ADNP: variants seen among roughly 807,000 people sequenced by gnomAD.
ADNP encodes activity dependent neuroprotector homeobox.
ADNP carries 4 observed loss-of-function variants against 84.9 expected under a neutral mutation model. The ratio of observed to expected loss-of-function variants is 0.05; its 90% CI spans 0.02 to 0.11. The LOEUF is 0.11. ADNP is among the 10% of genes least tolerant of loss of function. The pLI is 1.00. For synonymous variants in ADNP, 554 were observed against 468.1 expected (o/e 1.18, Z -2.37); for missense variants, 1,132 against 1,326.0 (o/e 0.85, Z 2.27).
At position 50,891,312 on chromosome 20, in the gene ADNP, C is replaced by T; in HGVS notation, c.*93G>A. On this transcript the variant is annotated 3_prime_UTR_variant, in exon 6 of 6. Transcript: ENST00000621696. ...TGCCCCACAGTCCAACCAGTACTCA[C>T]AAGGCAGTACCAGTGAGAAGACAGC... The T allele has an allele frequency of 1.4e-6, 2 of 1,453,034 alleles. No individual in the cohort carries two copies. The highest frequency in any genetic ancestry group is 1.8e-6 in the Non-Finnish European group (2 of 1,109,718). 90.0% of individuals were successfully genotyped at this position (1,453,034 alleles called of 1,614,324 possible). A position where few individuals can be genotyped will look rare whatever the true frequency, so the allele number is the denominator to read the frequency against.
intron 2 of ADNP, among the ~76,000 whole-genome samples, chr20:50,912,729 T>C (rs1983160169): frequency 6.6e-6 from 1 of 152,112 alleles, no homozygotes; most frequent in Admixed American, 6.5e-5. Context: ...TTACTGAAAA[T>C]CTTCACCAAT....
In ADNP at chr20:50,892,806, A is replaced by C. The variant is rs1980934978; in HGVS notation, c.1908T>G (p.Ser636=). The C allele has an allele frequency of 6.2e-7, 1 of 1,614,130 alleles. No homozygotes were observed. Among genetic ancestry groups the C allele is most frequent in the Non-Finnish European group, 8.5e-7 (1 of 1,180,050 alleles). ...CTCGTAAGTGATGTGCAAGTGCATC[A>C]GATATGGGTCCTTTTAGGATTGAAA... ...LCFSILKGPI[S]DALAHHLRER... The change falls in exon 6 of 6, where the codon TCT becomes TCG. Residue 636 remains serine (S), a synonymous_variant. Coordinates refer to ENST00000621696, the MANE Select transcript of ADNP (RefSeq NM_001282531.3).
chr20:50,893,535 G>C lies in ADNP; in HGVS notation c.1179C>G (p.Ser393=), dbSNP rs772432043. 1 of 1,613,858 alleles carries C rather than the reference G, an allele frequency of 6.2e-7. No homozygotes were observed. The highest frequency in any genetic ancestry group is 1.3e-5 in the African/African-American group (1 of 75,000). Residue 393 remains serine, a synonymous_variant, in exon 6 of 6, where the codon TCC becomes TCG. Transcript: ENST00000621696. The surrounding 1 kb of genome is among the most constrained non-coding windows in gnomAD (Gnocchi z 4.4). The part of the protein sequence containing the change: ...EQRSQAPARY[S]LQSANASSLS... ...GAGAAGAGGCATTAGCAGACTGCAG[G>C]GAGTATCTTGCTGGTGCCTGGGACC... is the stretch of plus-strand genomic sequence containing the variant.
chr20:50,891,098 TCA>T lies in ADNP; in HGVS notation c.*305_*306del, dbSNP rs1275192482. 3.6e-5 allele frequency: 41 copies of T among 1,154,494 alleles called. No individual in the cohort carries two copies. In the East Asian group the frequency reaches 9.4e-4, roughly 27 times the overall value. 71.5% of individuals were successfully genotyped at this position (1,154,494 alleles called of 1,614,324 possible). A position where few individuals can be genotyped will look rare whatever the true frequency, so the allele number is the denominator to read the frequency against. On this transcript the variant is annotated 3_prime_UTR_variant, in exon 6 of 6. Coordinates refer to ENST00000621696, the MANE Select transcript of ADNP (RefSeq NM_001282531.3). ...TCTCAAAGACATCTGACCAATCATT[TCA>T]CAGAGGGAAAGAAATGTTGAAAAGG...
Position 50,891,562 on chromosome 20 carries a change from G to T in ADNP, c.3152C>A (p.Ser1051Tyr). 1 of 1,612,518 alleles carries T rather than the reference G, an allele frequency of 6.2e-7. No homozygotes were observed. The highest frequency in any genetic ancestry group is 8.5e-7 in the Non-Finnish European group (1 of 1,180,044). Residue 1051 changes from serine to tyrosine, a missense_variant, in exon 6 of 6, where the codon TCT becomes TAT. Transcript: ENST00000621696. ...SKDQSQWKNA[S>Y]ENDERLSNPQ... ...GTTAGATAAGCGCTCATCATTCTCA[G>T]ATGCATTCTTCCACTGTGACTGGTC...
intron 2 of ADNP, 84 bp downstream of exon 2, chr20:50,928,567 T>C (rs892427388): frequency 6.6e-6 from 1 of 152,174 alleles, no homozygotes; most frequent in African/African-American, 2.4e-5. Flanking sequence ...TTTGGAAGTG[T>C]TGGTTTTGGT....
rs759856024 is a variant in ADNP, at chr20:50,893,133, C to A, written c.1581G>T (p.Met527Ile). The A allele has an allele frequency of 1.2e-6, 2 of 1,614,234 alleles. No homozygotes were observed. Among genetic ancestry groups the A allele is most frequent in the Non-Finnish European group, 1.7e-6 (2 of 1,180,048 alleles). The change falls in exon 6 of 6, where the codon ATG becomes ATT. Residue 527 changes from methionine (M) to isoleucine (I), a missense_variant. Met to Ile is a conservative substitution (Grantham distance 10, BLOSUM62 1). Around this residue, in one of 10 missense-constraint regions of ADNP, gnomAD observed 87 missense variants for 181.4 expected, o/e 0.48. Transcript: ENST00000621696. The surrounding 1 kb of genome is among the most constrained non-coding windows in gnomAD (Gnocchi z 4.4). ...CRSTFNDVEK[M>I]AAHMRMVHID... The stretch of plus-strand genomic sequence containing the variant: ...TGTGAACCATCCGCATGTGTGCGGC[C>A]ATCTTTTCCACATCATTGAAAGTTG...
At chr20:50,912,421 A>G (rs1447005569) in intron 2 of ADNP, among the ~76,000 whole-genome samples, 1 of 152,160 alleles carries the variant, frequency 6.6e-6, no homozygotes, top group East Asian at 1.9e-4. Flanking sequence ...AAGTGCTGGG[A>G]TTACAGGTGT....
chr20:50,908,997 T>G (rs1982766678), intron 2 of ADNP, among the ~76,000 whole-genome samples: 1 of 151,702 alleles, frequency 6.6e-6, no homozygotes, highest in Non-Finnish European at 1.5e-5. Context: ...ATGCCAAAAA[T>G]TGTCCCAGAG....
intron 2 of ADNP, among the ~76,000 whole-genome samples, chr20:50,921,091 A>T (rs1332455660): frequency 6.6e-6 from 1 of 152,222 alleles, no homozygotes; most frequent in East Asian, 1.9e-4. Context: ...AGAAGGATTA[A>T]ATGAGATGAT....
In ADNP at chr20:50,892,215, T is replaced by A; in HGVS notation, c.2499A>T (p.Lys833Asn). Residue 833 changes from lysine (K) to asparagine (N), a missense_variant, in exon 6 of 6, where the codon AAA becomes AAT. By Grantham distance (94) the Lys-to-Asn change is moderately conservative. Around this residue, in one of 10 missense-constraint regions of ADNP, gnomAD observed 381 missense variants for 319.9 expected, o/e 1.19. Coordinates refer to ENST00000621696, the MANE Select transcript of ADNP (RefSeq NM_001282531.3). ...CATCAAAATCCATCTCATGCTTGAC[T>A]TTATTTAATTCTTTCATGTTAAACC... Reference protein sequence around the residue: ...LLGFNMKELNKVKHEMDFDAE... With the variant: ...LLGFNMKELNNVKHEMDFDAE... 6.2e-7 allele frequency: 1 copy of A among 1,614,192 alleles called. No homozygotes were observed. The highest frequency in any genetic ancestry group is 8.5e-7 in the Non-Finnish European group (1 of 1,180,052).
Position 50,892,483 on chromosome 20 carries a change from T to C in ADNP, c.2231A>G (p.Glu744Gly). 6.2e-7 allele frequency: 1 copy of C among 1,614,248 alleles called. No homozygotes were observed. Among genetic ancestry groups the C allele is most frequent in the South Asian group, 1.1e-5 (1 of 91,084 alleles). ...TAAAACAACAGGCTCTTCAGGCTTC[T>C]CTTCAAAGAAGCTGGGTGAATCACT... ...DDSDSPSFFEEKPEEPVVLAL... is the reference protein window; with the variant it reads ...DDSDSPSFFEGKPEEPVVLAL... The change falls in exon 6 of 6, where the codon GAG becomes GGG. Residue 744 changes from glutamate to glycine, a missense_variant. By Grantham distance (98) the Glu-to-Gly change is moderately conservative. Around this residue, in one of 10 missense-constraint regions of ADNP, gnomAD observed 101 missense variants for 78.5 expected, o/e 1.29. Coordinates refer to ENST00000621696, the MANE Select transcript of ADNP (RefSeq NM_001282531.3).
intron 2 of ADNP, among the ~76,000 whole-genome samples, chr20:50,919,305 A>ATATATATATATATATATATATATATATG (rs1168718295): frequency 7.3e-6 from 1 of 136,882 alleles, no homozygotes; most frequent in African/African-American, 3.0e-5. Flanking sequence ...ATATATATAT[A>ATATATATATATATATATATATATATATG]TATATATATA....
At chr20:50,906,481 G>A (rs1032926748) in intron 2 of ADNP, among the ~76,000 whole-genome samples, 3 of 152,196 alleles carry the variant, frequency 2.0e-5, no homozygotes, top group Admixed American at 1.3e-4. Flanking sequence ...GATGTGTCCA[G>A]AAGCCAGCCA....
chr20:50,919,950 G>C (rs1485050694), intron 2 of ADNP, among the ~76,000 whole-genome samples: 2 of 152,146 alleles, frequency 1.3e-5, no homozygotes, highest in Non-Finnish European at 2.9e-5. Context: ...AGGTAACGAA[G>C]TACAGAAGGG....
chr20:50,913,167 C>T (rs535698340), intron 2 of ADNP, among the ~76,000 whole-genome samples: 80 of 136,374 alleles, frequency 5.9e-4, no homozygotes, highest in African/African-American at 2.0e-3. Context: ...GCCTGAGAAT[C>T]GTTTGAACCT....
intron 2 of ADNP, among the ~76,000 whole-genome samples, chr20:50,919,986 G>A (rs1008024472): frequency 6.6e-6 from 1 of 152,058 alleles, no homozygotes; most frequent in Non-Finnish European, 1.5e-5. Context: ...CACTTTAAGA[G>A]GATTAATCCA....
In ADNP at chr20:50,912,065, A is replaced by G. The variant is rs563073219; in HGVS notation, c.-89-7216T>C. ...AACTTTCATTTCCACTAAGAAAAGC[A>G]TATCTAATATTGCACTGAGAGCTAC... On this transcript the variant is annotated intron_variant, in intron 2 of 5. Transcript: ENST00000621696. 1.1e-4 allele frequency among the ~76,000 whole-genome samples: 17 copies of G among 152,286 alleles called. 1 individual carries two copies. The South Asian group carries it at 2.1e-3, about 19-fold the overall frequency.
At chr20:50,899,501 C>T (rs770772438) in intron 5 of ADNP, among the ~76,000 whole-genome samples, 11 of 152,100 alleles carry the variant, frequency 7.2e-5, no homozygotes, top group Non-Finnish European at 1.6e-4. Flanking sequence ...ATGAGCCCAG[C>T]GCCCGGCCGG....
Sources: allele counts gnomAD v4.1 joint callset (sites outside exome capture counted in the v4.1 genomes callset), GRCh38; gene constraint gnomAD v4.1.1; regional missense constraint gnomAD v4.1.1; non-coding constraint Gnocchi (gnomAD v3.1); transcripts MANE v1.5; gene names NCBI Gene and HGNC (gene_info 2026-07-23, HGNC 2026-07-21).